The following VPS35L variants were observed in gnomAD, a reference collection of about 807,000 sequenced individuals.
The protein encoded by VPS35L is VPS35 endosomal protein sorting factor like.
VPS35L carries 83 observed loss-of-function variants against 133.0 expected under a neutral mutation model. That is an observed-to-expected ratio of 0.62 (90% CI 0.52 to 0.75). VPS35L has a LOEUF of 0.75. Ranked by LOEUF, VPS35L falls within the 30% of genes least tolerant of loss-of-function variation. The probability of loss-of-function intolerance (pLI) is 0.00; values close to 1 mark genes in which losing one functional copy is unlikely to be tolerated. For synonymous variants in VPS35L, 423 were observed against 449.9 expected (o/e 0.94, Z 0.76); for missense variants, 1,083 against 1,206.8 (o/e 0.90, Z 1.52).
chr16:19,676,638 C>A (rs1441217625), intron 27 of VPS35L, among the ~76,000 whole-genome samples: 2 of 152,054 alleles, frequency 1.3e-5, no homozygotes, highest in African/African-American at 4.8e-5. Context: ...GATCTCGGAT[C>A]CAGCAGGGAG....
chr16:19,691,259 G>C, intron 28 of VPS35L, 94 bp from the exon 29 acceptor site: 4 of 979,920 alleles, frequency 4.1e-6, no homozygotes, highest in Non-Finnish European at 6.5e-6. Context: ...CCTGCCATCT[G>C]CTGACTCGGT....
chr16:19,571,096 C>T (rs1362813615), intron 3 of VPS35L, among the ~76,000 whole-genome samples: 2 of 151,462 alleles, frequency 1.3e-5, no homozygotes, highest in South Asian at 4.2e-4. Flanking sequence ...TGGTCTCGAA[C>T]GCCTGACCTC....
intron 28 of VPS35L, among the ~76,000 whole-genome samples, chr16:19,682,821 C>T (rs1975334192): frequency 6.6e-6 from 1 of 152,192 alleles, no homozygotes; most frequent in African/African-American, 2.4e-5. Context: ...AAGATGGCAC[C>T]ACTGTACTCC....
intron 16 of VPS35L, among the ~76,000 whole-genome samples, chr16:19,628,332 C>T (rs530118613): frequency 1.3e-5 from 2 of 152,230 alleles, no homozygotes; most frequent in African/African-American, 4.8e-5. Flanking sequence ...GTCATGAAGC[C>T]TGGTGACAGA....
At chr16:19,680,028 T>G (rs1975213563) in intron 27 of VPS35L, among the ~76,000 whole-genome samples, 1 of 152,170 alleles carries the variant, frequency 6.6e-6, no homozygotes, top group Non-Finnish European at 1.5e-5. Flanking sequence ...GACGCTTGGT[T>G]TATCTGCAGA....
intron 5 of VPS35L, among the ~76,000 whole-genome samples, chr16:19,577,177 T>C (rs1158036640): frequency 6.6e-6 from 1 of 152,182 alleles, no homozygotes; most frequent in South Asian, 2.1e-4. Context: ...TGACTTATGG[T>C]TCCACAGGCT....
At chr16:19,656,500 T>C (rs1244288859) in intron 26 of VPS35L, among the ~76,000 whole-genome samples, 2 of 151,212 alleles carry the variant, frequency 1.3e-5, no homozygotes, top group Non-Finnish European at 2.9e-5. Flanking sequence ...AGTACTGACT[T>C]TCAAGTCTTC....
In VPS35L at chr16:19,639,984, T is replaced by C. The variant is rs1397668688; in HGVS notation, c.1699-31T>C. ...TCCTTCCTTCCAATAACTTGTGTCATTTGCATATAGAGTGCTTGCTTTATT... is the reference window on the plus strand; with the variant it reads ...TCCTTCCTTCCAATAACTTGTGTCACTTGCATATAGAGTGCTTGCTTTATT... On this transcript the variant is annotated intron_variant, in intron 20 of 30. Transcript: ENST00000417362. This position sits in a 1 kb window ranked among gnomAD's most constrained non-coding sequence, Gnocchi z 4.1. The C allele has an allele frequency of 1.3e-6, 2 of 1,567,722 alleles. No individual in the cohort carries two copies. Among genetic ancestry groups the C allele is most frequent in the East Asian group, 4.5e-5 (2 of 44,628 alleles).
intron 29 of VPS35L, among the ~76,000 whole-genome samples, chr16:19,698,939 G>A (rs375502543): frequency 2.0e-5 from 3 of 152,094 alleles, no homozygotes; most frequent in African/African-American, 4.8e-5. Flanking sequence ...ACTTTTTTTG[G>A]CAAGATACCT....
intron 1 of VPS35L, among the ~76,000 whole-genome samples, chr16:19,562,566 T>G (rs949791641): frequency 1.6e-4 from 24 of 152,166 alleles, no homozygotes; most frequent in Admixed American, 1.6e-3. Flanking sequence ...CTATGGTAGC[T>G]TTTAAAATTA....
At chr16:19,695,590 G>A (rs1975878031) in intron 29 of VPS35L, among the ~76,000 whole-genome samples, 1 of 152,100 alleles carries the variant, frequency 6.6e-6, no homozygotes, top group Non-Finnish European at 1.5e-5. Flanking sequence ...GGGGAAGGAG[G>A]ATTGCTTTAT....
intron 28 of VPS35L, among the ~76,000 whole-genome samples, chr16:19,687,970 T>G (rs548222714): frequency 6.6e-6 from 1 of 152,092 alleles, no homozygotes; most frequent in East Asian, 2.0e-4. Flanking sequence ...AATGTAGCCC[T>G]GCCTGCAGTG....
intron 28 of VPS35L, among the ~76,000 whole-genome samples, chr16:19,683,502 C>G (rs1189881812): frequency 6.6e-6 from 1 of 152,156 alleles, no homozygotes; most frequent in African/African-American, 2.4e-5. Flanking sequence ...TCTTTATGCC[C>G]ATGGGTACCC....
intron 5 of VPS35L, chr16:19,578,372 T>TAAA: frequency 2.6e-6 from 1 of 380,858 alleles, no homozygotes; most frequent in East Asian, 7.8e-5. Context: ...AGACCCCATC[T>TAAA]CAAAAAAAAA....
rs746865470 is a variant in VPS35L at position 19,573,226 on chromosome 16, C to T, written c.393C>T (p.Thr131=). Residue 131 remains threonine, a synonymous_variant, in exon 4 of 31, where the codon ACC becomes ACT. Coordinates refer to ENST00000417362, the MANE Select transcript of VPS35L (RefSeq NM_020314.7). ...RGEILARYTT[T]EKLSINLFMG... ...AAATCCTTGCCCGGTACACCACTACCGAAAAGCTGTCTATTGTGAGTACCA... is the reference window on the plus strand; with the variant it reads ...AAATCCTTGCCCGGTACACCACTACTGAAAAGCTGTCTATTGTGAGTACCA... 45 of 1,613,554 alleles carry T rather than the reference C, an allele frequency of 2.8e-5. No individual in the cohort carries two copies. Among genetic ancestry groups the T allele is most frequent in the Non-Finnish European group, 3.6e-5 (43 of 1,179,768 alleles).
intron 1 of VPS35L, among the ~76,000 whole-genome samples, chr16:19,564,268 G>A (rs1025279098): frequency 1.3e-5 from 2 of 151,968 alleles, no homozygotes; most frequent in African/African-American, 2.4e-5. Flanking sequence ...TAATAGAGAT[G>A]GGGATTCACC....
chr16:19,645,627 C>T (rs910507595), intron 23 of VPS35L, among the ~76,000 whole-genome samples: 3 of 152,132 alleles, frequency 2.0e-5, no homozygotes, highest in Non-Finnish European at 2.9e-5. Flanking sequence ...CCCTGTTGGC[C>T]TCCGGCTCAG....
intron 8 of VPS35L, among the ~76,000 whole-genome samples, chr16:19,598,817 T>A: frequency 6.6e-6 from 1 of 151,064 alleles, no homozygotes. Flanking sequence ...AATGTGGAGA[T>A]GAAATTTTTT....
intron 29 of VPS35L, 151 bp downstream of exon 29, chr16:19,691,622 C>A: frequency 1.7e-6 from 1 of 601,160 alleles, no homozygotes; most frequent in Non-Finnish European, 3.0e-6. Flanking sequence ...TTGGGGCCTT[C>A]GCTCCTGCTG....
Sources: allele counts gnomAD v4.1 joint callset (sites outside exome capture counted in the v4.1 genomes callset), GRCh38; gene constraint gnomAD v4.1.1; non-coding constraint Gnocchi (gnomAD v3.1); transcripts MANE v1.5; gene names NCBI Gene and HGNC (gene_info 2026-07-23, HGNC 2026-07-21).